MEGF10: variants seen among roughly 807,000 people sequenced by gnomAD.
The protein encoded by MEGF10 is multiple EGF like domains 10, also known as multiple epidermal growth factor-like domains protein 10.
MEGF10 carries 86 observed loss-of-function variants against 147.5 expected under a neutral mutation model. That is an observed-to-expected ratio of 0.58 (90% CI 0.49 to 0.70). The LOEUF is 0.70. Ranked by LOEUF, MEGF10 falls within the 30% of genes least tolerant of loss-of-function variation. The pLI is 0.00. For synonymous variants in MEGF10, 478 were observed against 525.5 expected (o/e 0.91, Z 1.24); for missense variants, 1,329 against 1,487.3 (o/e 0.89, Z 1.75).
chr5:127,353,945 T>C (rs1185582541), intron 4 of MEGF10, among the ~76,000 whole-genome samples: 1 of 152,238 alleles, frequency 6.6e-6, no homozygotes, highest in Non-Finnish European at 1.5e-5. Flanking sequence ...TCGTTGGCAC[T>C]GGTTAAGAGA....
intron 8 of MEGF10, among the ~76,000 whole-genome samples, chr5:127,407,877 T>C (rs1195964825): frequency 6.6e-6 from 1 of 152,200 alleles, no homozygotes; most frequent in African/African-American, 2.4e-5. Flanking sequence ...ATCCTACCAT[T>C]TTCCTTTGGC....
chr5:127,384,077 C>T (rs144448715), intron 5 of MEGF10, among the ~76,000 whole-genome samples: 2 of 152,190 alleles, frequency 1.3e-5, no homozygotes, highest in Admixed American at 6.5e-5. Flanking sequence ...CTTCTCTCCC[C>T]CTCCTTTCTC....
intron 16 of MEGF10, among the ~76,000 whole-genome samples, chr5:127,436,833 C>A (rs1765565659): frequency 6.6e-6 from 1 of 152,138 alleles, no homozygotes; most frequent in Admixed American, 6.5e-5. Flanking sequence ...GTGGAACCAT[C>A]TTCATATTTC....
At chr5:127,297,753 A>G (rs1019226170) in intron 1 of MEGF10, among the ~76,000 whole-genome samples, 4 of 152,162 alleles carry the variant, frequency 2.6e-5, no homozygotes, top group African/African-American at 9.7e-5. Flanking sequence ...CGTTAAAGGA[A>G]CCCTTCACAT....
chr5:127,356,995 T>G (rs1762301442), intron 4 of MEGF10, among the ~76,000 whole-genome samples: 1 of 152,216 alleles, frequency 6.6e-6, no homozygotes, highest in Non-Finnish European at 1.5e-5. Context: ...ATCTACTTAC[T>G]TGGAAAACAC....
At chr5:127,256,039 A>G in the MEGF10 span, among the ~76,000 whole-genome samples, 36 of 152,206 alleles carry the variant, frequency 2.4e-4, no homozygotes, top group East Asian at 6.9e-3. Context: ...GCTCAAACCA[A>G]CCACTGGTAT....
In MEGF10 at chr5:127,457,551, A is replaced by G. The variant is rs1334640140; in HGVS notation, c.*233A>G. ...TCCCATTGCTGTTAGTTTTAGAACT[A>G]TACCCGTGAAGCATGACTTATTGTA... On this transcript the variant is annotated 3_prime_UTR_variant, in exon 25 of 25. Coordinates refer to ENST00000503335, the MANE Select transcript of MEGF10 (RefSeq NM_001256545.2). The G allele has an allele frequency of 1.0e-5, 5 of 484,832 alleles. No individual in the cohort carries two copies. Among genetic ancestry groups the G allele is most frequent in the South Asian group, 3.4e-5 (1 of 29,676 alleles). 30.0% of individuals were successfully genotyped at this position (484,832 alleles called of 1,614,324 possible).
At chr5:127,248,481 A>G in the MEGF10 span, among the ~76,000 whole-genome samples, 2 of 152,118 alleles carry the variant, frequency 1.3e-5, no homozygotes, top group African/African-American at 4.8e-5. Context: ...AAAGATTTAA[A>G]TGAAAACATG....
At chr5:127,292,325 C>T (rs555144560) in intron 1 of MEGF10, among the ~76,000 whole-genome samples, 2 of 152,264 alleles carry the variant, frequency 1.3e-5, no homozygotes, top group South Asian at 4.1e-4. Flanking sequence ...ATAATAATAG[C>T]ACTTACATCA....
chr5:127,326,923 T>A (rs550919634), intron 1 of MEGF10, among the ~76,000 whole-genome samples: 11 of 152,258 alleles, frequency 7.2e-5, no homozygotes, highest in Non-Finnish European at 1.5e-4. Context: ...TCTGGAATAA[T>A]TTTCCCCTCT....
At chr5:127,351,360 G>A (rs964197061) in intron 4 of MEGF10, among the ~76,000 whole-genome samples, 12 of 151,926 alleles carry the variant, frequency 7.9e-5, no homozygotes, top group Admixed American at 2.0e-4. Flanking sequence ...CATATTTTTT[G>A]TAAGCTGCTT....
intron 5 of MEGF10, among the ~76,000 whole-genome samples, chr5:127,377,511 C>T (rs982673171): frequency 2.0e-5 from 3 of 152,152 alleles, no homozygotes; most frequent in Non-Finnish European, 2.9e-5. Flanking sequence ...ATATACTTGG[C>T]AGTAGTGAAA....
chr5:127,238,245 G>A, the MEGF10 span, among the ~76,000 whole-genome samples: 25 of 151,956 alleles, frequency 1.6e-4, no homozygotes, highest in East Asian at 2.5e-3. Flanking sequence ...TAGTAGAGAC[G>A]GGGCTTTGCC....
intron 22 of MEGF10, among the ~76,000 whole-genome samples, chr5:127,451,317 A>G (rs1255220537): frequency 6.6e-6 from 1 of 152,198 alleles, no homozygotes; most frequent in Non-Finnish European, 1.5e-5. Flanking sequence ...GGAAATAAAA[A>G]TGTTTTACTG....
intron 4 of MEGF10, among the ~76,000 whole-genome samples, chr5:127,350,851 T>A (rs1762059439): frequency 1.3e-5 from 2 of 152,200 alleles, no homozygotes; most frequent in African/African-American, 4.8e-5. Context: ...GTGTATGGGA[T>A]ATTTTGACAC....
At chr5:127,448,168 A>G (rs932680081) in intron 21 of MEGF10, among the ~76,000 whole-genome samples, 1 of 152,210 alleles carries the variant, frequency 6.6e-6, no homozygotes, top group African/African-American at 2.4e-5. Context: ...CAACAGTAAT[A>G]GGCACTGATT....
intron 10 of MEGF10, 119 bp from the exon 11 acceptor site, chr5:127,419,001 G>A (rs1764880719): frequency 1.6e-6 from 2 of 1,235,972 alleles, no homozygotes; most frequent in East Asian, 4.8e-5. Context: ...TAAAAATACA[G>A]TGTGTTAAAA....
At chr5:127,427,648 T>A (rs1022143179) in intron 13 of MEGF10, among the ~76,000 whole-genome samples, 1 of 152,050 alleles carries the variant, frequency 6.6e-6, no homozygotes, top group Admixed American at 6.5e-5. Flanking sequence ...CTTTCCATGT[T>A]TTACCAAACA....
chr5:127,389,592 A>G (rs1024010292), intron 5 of MEGF10, among the ~76,000 whole-genome samples: 12 of 152,260 alleles, frequency 7.9e-5, no homozygotes, highest in Admixed American at 2.0e-4. Flanking sequence ...GTGCAGCCAT[A>G]TAAGAGAATG....
Sources: gnomAD v4.1 joint callset for allele counts (sites outside exome capture counted in the v4.1 genomes callset) on GRCh38, gnomAD v4.1.1 for gene constraint, MANE v1.5 for transcripts, NCBI Gene and HGNC (gene_info 2026-07-23, HGNC 2026-07-21) for gene names.